Variants in C8B observed in about 807,000 individuals in gnomAD.
The protein encoded by C8B is complement component C8 beta chain.
A neutral mutation model predicts 64.6 loss-of-function variants in C8B; 67 were observed. The observed-to-expected ratio is 1.04, with a 90% confidence interval of 0.85 to 1.27. The LOEUF (loss-of-function observed/expected upper bound fraction) is 1.27. C8B is among the 50% of genes most tolerant of loss of function. C8B has a pLI of 0.00. For synonymous variants in C8B, 284 were observed against 257.7 expected, an observed-to-expected ratio of 1.10 and a Z score of -0.98; for missense variants, 790 against 725.2, an observed-to-expected ratio of 1.09 and a Z score of -1.03.
intron 9 of C8B, among the ~76,000 whole-genome samples, chr1:56,934,456 GCACAGA>G (rs1243964487): frequency 6.6e-6 from 1 of 152,128 alleles, no homozygotes; most frequent in East Asian, 1.9e-4. Context: ...AAAACCAGAG[GCACAGA>G]CAGTCCAAAT....
At chr1:56,955,881 C>T (rs1373558764) in intron 3 of C8B, among the ~76,000 whole-genome samples, 1 of 152,200 alleles carries the variant, frequency 6.6e-6, no homozygotes, top group African/African-American at 2.4e-5. Context: ...AAAATATTCT[C>T]ATTTTTGCTG....
intron 7 of C8B, among the ~76,000 whole-genome samples, chr1:56,945,431 G>A (rs1369187346): frequency 6.6e-6 from 1 of 152,184 alleles, no homozygotes; most frequent in African/African-American, 2.4e-5. Context: ...GAGAAAGAAA[G>A]TCAAAAGTTC....
intron 6 of C8B, among the ~76,000 whole-genome samples, chr1:56,947,076 T>C (rs1008805570): frequency 2.0e-5 from 3 of 152,230 alleles, no homozygotes; most frequent in Non-Finnish European, 4.4e-5. Flanking sequence ...TCATTTTGTT[T>C]GCATTATTAT....
intron 2 of C8B, among the ~76,000 whole-genome samples, chr1:56,957,956 A>C (rs532005681): frequency 6.6e-6 from 1 of 151,968 alleles, no homozygotes; most frequent in East Asian, 1.9e-4. Flanking sequence ...AGGTGTGAAG[A>C]ACTGACGAGA....
In C8B at chr1:56,947,952, A is replaced by AAAACAAAAC. The variant is rs1553181238; in HGVS notation, c.864+1602_864+1603insGTTTTGTTT. Among the ~76,000 whole-genome samples, 454 of 125,420 alleles carry AAAACAAAAC rather than the reference A, an allele frequency of 3.6e-3. 3 individuals are homozygous for AAAACAAAAC. The highest frequency in any genetic ancestry group is 7.2e-3 in the African/African-American group (268 of 37,160). 82.3% of individuals were successfully genotyped at this position (125,420 alleles called of 152,430 possible). On this transcript the variant is annotated intron_variant, in intron 6 of 11. Transcript: ENST00000371237. ...TCTCAAAAACAAAACAAAACAAAAC[A>AAAACAAAAC]AAACAAACAAACAAACAAAAAGAAT...
At chr1:56,943,621 G>A (rs1488964142) in intron 8 of C8B, 75 bp downstream of exon 8, 13 of 1,547,442 alleles carry the variant, frequency 8.4e-6, no homozygotes, top group Non-Finnish European at 1.2e-5. Context: ...AAAAGGGAGG[G>A]AGGTGTTGTA....
Position 56,949,778 on chromosome 1 carries a change from T to C in C8B, c.667-26A>G, listed in dbSNP as rs368270529. 6.3e-5 allele frequency: 97 copies of C among 1,532,832 alleles called. No individual in the cohort carries two copies. In the African/African-American group the frequency reaches 1.1e-3, roughly 17 times the overall value. 95.0% of individuals were successfully genotyped at this position (1,532,832 alleles called of 1,614,324 possible). On this transcript the variant is annotated intron_variant, in intron 5 of 11. Transcript: ENST00000371237. ...CTAAAGAAGAAAAAAGAAAGGGTTTTTTATTTCATTTGACTCAAATCAGTT... is the reference window on the plus strand; with the variant it reads ...CTAAAGAAGAAAAAAGAAAGGGTTTCTTATTTCATTTGACTCAAATCAGTT...
intron 7 of C8B, among the ~76,000 whole-genome samples, chr1:56,944,764 C>A (rs1374840728): frequency 1.3e-5 from 2 of 152,160 alleles, no homozygotes; most frequent in Non-Finnish European, 2.9e-5. Context: ...CTGATTTTGA[C>A]AAGACTGAGG....
At chr1:56,949,444 C>T in intron 6 of C8B, 111 bp downstream of exon 6, 1 of 1,046,812 alleles carries the variant, frequency 9.6e-7, no homozygotes, top group Non-Finnish European at 1.4e-6. Flanking sequence ...GAACTGTGAG[C>T]CAAGTAAATG....
chr1:56,933,344 C>T lies in C8B; in HGVS notation c.1543G>A (p.Val515Ile). 6.2e-7 allele frequency: 1 copy of T among 1,613,766 alleles called. No homozygotes were observed. Among genetic ancestry groups the T allele is most frequent in the Non-Finnish European group, 8.5e-7 (1 of 1,179,704 alleles). The change falls in exon 10 of 12, where the codon GTC (valine) becomes ATC (isoleucine). Residue 515 changes from valine (V) to isoleucine (I), a missense_variant. Physicochemically the swap from Val to Ile is conservative, Grantham distance 29 (BLOSUM62 3). Transcript: ENST00000371237. ...TGCCTGAAAGTGGTACCTTTCAGGACAGGGACTCCATTTCCTTGGCAGGGA... is the reference window on the plus strand; with the variant it reads ...TGCCTGAAAGTGGTACCTTTCAGGATAGGGACTCCATTTCCTTGGCAGGGA... ...CAPCQGNGVP[V>I]LKGSRCDCIC...
intron 9 of C8B, among the ~76,000 whole-genome samples, chr1:56,940,452 C>A (rs1644835266): frequency 6.6e-6 from 1 of 151,732 alleles, no homozygotes; most frequent in Admixed American, 6.6e-5. Flanking sequence ...CACCTATAAC[C>A]CTGGCTACTT....
At chr1:56,931,746 C>T in intron 11 of C8B, 64 bp downstream of exon 11, 1 of 1,135,352 alleles carries the variant, frequency 8.8e-7, no homozygotes, top group Admixed American at 1.7e-5. Context: ...ACACCAGCTC[C>T]TTGCTCTTCT....
At chr1:56,959,664 G>T in intron 2 of C8B, 1 of 1,514,370 alleles carries the variant, frequency 6.6e-7, no homozygotes, top group Non-Finnish European at 8.9e-7. Context: ...GATCCTAAGG[G>T]TCATGGGTAG....
chr1:56,960,355 A>G (rs574296860), intron 1 of C8B, among the ~76,000 whole-genome samples, 179 bp from the exon 2 acceptor site: 2 of 152,344 alleles, frequency 1.3e-5, no homozygotes, highest in African/African-American at 2.4e-5. Context: ...ATTTAATCCA[A>G]CAATGAAATA....
chr1:56,940,638 C>A (rs1644838219), intron 9 of C8B, among the ~76,000 whole-genome samples: 1 of 152,062 alleles, frequency 6.6e-6, no homozygotes, highest in Non-Finnish European at 1.5e-5. Flanking sequence ...CAACTTGGGG[C>A]CCAAGTGAGA....
intron 4 of C8B, among the ~76,000 whole-genome samples, chr1:56,953,481 G>C (rs1645055897): frequency 6.6e-6 from 1 of 152,194 alleles, no homozygotes; most frequent in Non-Finnish European, 1.5e-5. Context: ...TTTTGCAGAT[G>C]AGAAACATGA....
At chr1:56,965,459 G>C (rs2101485379) in intron 1 of C8B, among the ~76,000 whole-genome samples, 1 of 150,164 alleles carries the variant, frequency 6.7e-6, no homozygotes, top group South Asian at 2.1e-4. Flanking sequence ...AGAATCTGAA[G>C]ATTTGGGGTT....
chr1:56,937,783 A>C (rs1437617204), intron 9 of C8B, among the ~76,000 whole-genome samples: 1 of 152,116 alleles, frequency 6.6e-6, no homozygotes, highest in Admixed American at 6.5e-5. Flanking sequence ...CTGTGTTTTC[A>C]TTTGCAAAAT....
At chr1:56,936,669 A>C (rs1439505883) in intron 9 of C8B, among the ~76,000 whole-genome samples, 1 of 150,950 alleles carries the variant, frequency 6.6e-6, no homozygotes, top group Non-Finnish European at 1.5e-5. Context: ...ATCTCAGCTC[A>C]CTGCAACCTC....
Sources: gnomAD v4.1 joint callset for allele counts (sites outside exome capture counted in the v4.1 genomes callset) on GRCh38, gnomAD v4.1.1 for gene constraint, MANE v1.5 for transcripts, NCBI Gene and HGNC (gene_info 2026-07-23, HGNC 2026-07-21) for gene names.